The following MYO1E variants were observed in gnomAD, a reference collection of about 807,000 sequenced individuals.
MYO1E encodes unconventional myosin-Ie.
A neutral mutation model predicts 151.1 loss-of-function variants in MYO1E; 68 were observed. The ratio of observed to expected loss-of-function variants is 0.45; its 90% CI spans 0.37 to 0.55. The LOEUF (loss-of-function observed/expected upper bound fraction) is 0.55. Among genes scored for constraint, MYO1E ranks in the 20% least tolerant of loss-of-function variants. The probability of loss-of-function intolerance (pLI) is 0.00; values close to 1 mark genes in which losing one functional copy is unlikely to be tolerated. For synonymous variants in MYO1E, 601 were observed against 501.7 expected, an observed-to-expected ratio of 1.20 and a Z score of -2.64; for missense variants, 1,363 against 1,389.3, an observed-to-expected ratio of 0.98 and a Z score of 0.30.
intron 1 of MYO1E, among the ~76,000 whole-genome samples, chr15:59,354,011 C>A (rs993890776): frequency 2.6e-5 from 4 of 152,180 alleles, no homozygotes; most frequent in African/African-American, 4.8e-5. Flanking sequence ...CTCACTTTCT[C>A]TACCACACAC....
chr15:59,138,603 G>A (rs1306030367), intron 26 of MYO1E, among the ~76,000 whole-genome samples: 1 of 152,144 alleles, frequency 6.6e-6, no homozygotes, highest in East Asian at 1.9e-4. Flanking sequence ...TTGTCACTGT[G>A]TCCCCAGCAT....
At chr15:59,320,477 T>A (rs1233662436) in intron 1 of MYO1E, among the ~76,000 whole-genome samples, 1 of 152,094 alleles carries the variant, frequency 6.6e-6, no homozygotes, top group Non-Finnish European at 1.5e-5. Flanking sequence ...AATAGACACA[T>A]TGACCAATAT....
intron 1 of MYO1E, among the ~76,000 whole-genome samples, chr15:59,301,495 G>A (rs1251020124): frequency 2.6e-5 from 4 of 152,164 alleles, no homozygotes; most frequent in Non-Finnish European, 4.4e-5. Flanking sequence ...CGACTCAACA[G>A]CCCTGCCTTA....
intron 1 of MYO1E, among the ~76,000 whole-genome samples, chr15:59,347,018 C>T (rs2080797838): frequency 6.6e-6 from 1 of 152,140 alleles, no homozygotes; most frequent in Non-Finnish European, 1.5e-5. Flanking sequence ...GACACCATGT[C>T]TGTGGGTATA....
intron 15 of MYO1E, among the ~76,000 whole-genome samples, chr15:59,205,160 T>C (rs1244893663): frequency 6.6e-6 from 1 of 152,224 alleles, no homozygotes; most frequent in East Asian, 1.9e-4. Flanking sequence ...TTTTTGTTTT[T>C]TTCTTTATTA....
intron 3 of MYO1E, among the ~76,000 whole-genome samples, chr15:59,258,441 TATTTGAACACA>T (rs2080206499): frequency 6.6e-6 from 1 of 152,258 alleles, no homozygotes; most frequent in African/African-American, 2.4e-5. Flanking sequence ...GAATTTGCCT[TATTTGAACACA>T]GTTTGAATAG....
chr15:59,201,035 G>A (rs564124002), intron 16 of MYO1E, among the ~76,000 whole-genome samples: 12 of 152,058 alleles, frequency 7.9e-5, no homozygotes, highest in African/African-American at 2.9e-4. Context: ...TTCTTAACCA[G>A]TATGATTTTA....
chr15:59,313,279 A>AAC (rs1455682297), intron 1 of MYO1E, among the ~76,000 whole-genome samples: 1 of 152,188 alleles, frequency 6.6e-6, no homozygotes, highest in Non-Finnish European at 1.5e-5. Flanking sequence ...TGTATCCCCC[A>AAC]ACACACACAC....
chr15:59,311,680 G>A (rs558472607), intron 1 of MYO1E, among the ~76,000 whole-genome samples: 6 of 152,180 alleles, frequency 3.9e-5, no homozygotes, highest in East Asian at 1.9e-4. Flanking sequence ...TGATTTAAAC[G>A]TGTCTTCCAA....
intron 4 of MYO1E, among the ~76,000 whole-genome samples, chr15:59,246,310 G>A (rs1362342500): frequency 6.6e-6 from 1 of 152,042 alleles, no homozygotes; most frequent in African/African-American, 2.4e-5. Flanking sequence ...TAGAGATGGG[G>A]TTTCACCATG....
At chr15:59,232,374 G>C (rs754727339) in intron 5 of MYO1E, among the ~76,000 whole-genome samples, 3 of 152,224 alleles carry the variant, frequency 2.0e-5, no homozygotes, top group Non-Finnish European at 4.4e-5. Context: ...CCAAGAATCT[G>C]CATTTGTAGC....
chr15:59,163,613 C>T (rs2079549697), intron 22 of MYO1E, among the ~76,000 whole-genome samples: 1 of 151,988 alleles, frequency 6.6e-6, no homozygotes, highest in Non-Finnish European at 1.5e-5. Flanking sequence ...TTTTCAAGTC[C>T]AACTTGTGTT....
At position 59,211,674 on chromosome 15, in the gene MYO1E, A is replaced by G. The variant is rs958283068; in HGVS notation, c.1276-1074T>C. 5.3e-5 allele frequency among the ~76,000 whole-genome samples: 8 copies of G among 152,108 alleles called. No homozygotes were observed. In the East Asian group the frequency reaches 7.7e-4, roughly 15 times the overall value. The stretch of plus-strand genomic sequence containing the variant: ...GTGACCTCCAAACAACCCCTCTTCT[A>G]ATCTTACCCTCCAGTAAACAGTGTC... On this transcript the variant is annotated intron_variant, in intron 12 of 27. Coordinates refer to ENST00000288235, the MANE Select transcript of MYO1E (RefSeq NM_004998.4).
chr15:59,145,472 C>T (rs766314432), intron 26 of MYO1E, among the ~76,000 whole-genome samples: 8 of 152,194 alleles, frequency 5.3e-5, no homozygotes, highest in South Asian at 2.1e-4. Flanking sequence ...CTGCAACCTC[C>T]GCCTCCCGGG....
At chr15:59,371,203 G>T (rs2080942245) in intron 1 of MYO1E, among the ~76,000 whole-genome samples, 1 of 152,168 alleles carries the variant, frequency 6.6e-6, no homozygotes, top group African/African-American at 2.4e-5. Flanking sequence ...CACGGGGCAA[G>T]GGGGCTTCTG....
At chr15:59,247,106 G>C (rs564995781) in intron 4 of MYO1E, among the ~76,000 whole-genome samples, 2 of 152,324 alleles carry the variant, frequency 1.3e-5, no homozygotes, top group East Asian at 3.9e-4. Context: ...TGAGGTGGGA[G>C]GATCGCTTGA....
At chr15:59,259,797 C>G (rs938964153) in intron 3 of MYO1E, among the ~76,000 whole-genome samples, 4 of 152,206 alleles carry the variant, frequency 2.6e-5, no homozygotes, top group Non-Finnish European at 5.9e-5. Flanking sequence ...TGTGACAAAA[C>G]TATAGAGTGG....
Position 59,163,371 on chromosome 15 carries a change from T to C in MYO1E, c.2481-68A>G, listed in dbSNP as rs574801091. 38 of 1,505,672 alleles carry C rather than the reference T, an allele frequency of 2.5e-5. No individual in the cohort carries two copies. The African/African-American group carries it at 4.3e-4, about 17-fold the overall frequency. 93.3% of individuals were successfully genotyped at this position (1,505,672 alleles called of 1,614,324 possible). A position where few individuals can be genotyped will look rare whatever the true frequency, so the allele number is the denominator to read the frequency against. On this transcript the variant is annotated intron_variant, in intron 22 of 27. Coordinates refer to ENST00000288235, the MANE Select transcript of MYO1E (RefSeq NM_004998.4). ...TCTGTTTACTCTATTGTTTTTTTTT[T>C]CTTCCATTTTAAAAATCCTGCAAGA... is the stretch of plus-strand genomic sequence containing the variant.
At chr15:59,238,063 C>T (rs1292614740) in intron 4 of MYO1E, among the ~76,000 whole-genome samples, 1 of 152,060 alleles carries the variant, frequency 6.6e-6, no homozygotes, top group African/African-American at 2.4e-5. Context: ...ATAAGAAAAC[C>T]AAACTGAAAT....
Sources: gnomAD v4.1 joint callset for allele counts (sites outside exome capture counted in the v4.1 genomes callset) on GRCh38, gnomAD v4.1.1 for gene constraint, MANE v1.5 for transcripts, NCBI Gene and HGNC (gene_info 2026-07-23, HGNC 2026-07-21) for gene names.